The following PTAR1 variants were observed in gnomAD, a reference collection of about 807,000 sequenced individuals.
PTAR1 encodes the protein protein prenyltransferase alpha subunit repeat containing 1.
Under a neutral mutation model 45.5 loss-of-function variants are expected in PTAR1, and 17 were observed. The ratio of observed to expected loss-of-function variants is 0.37; its 90% CI spans 0.26 to 0.56. PTAR1 has a LOEUF of 0.56. Ranked by LOEUF, PTAR1 falls within the 20% of genes least tolerant of loss-of-function variation. The pLI, the probability that PTAR1 is intolerant of heterozygous loss-of-function variation, is 0.77. For missense variants in PTAR1, 391 were observed against 476.3 expected, an observed-to-expected ratio of 0.82 and a Z score of 1.67; for synonymous variants, 169 against 171.3, an observed-to-expected ratio of 0.99 and a Z score of 0.11.
At chr9:69,729,148 C>T (rs977195404) in intron 5 of PTAR1, among the ~76,000 whole-genome samples, 6 of 151,902 alleles carry the variant, frequency 3.9e-5, no homozygotes, top group African/African-American at 7.3e-5. Context: ...GGCGAAACCC[C>T]GTCTCTACTA....
intron 6 of PTAR1, among the ~76,000 whole-genome samples, chr9:69,720,587 G>A (rs1350361712): frequency 6.6e-6 from 1 of 152,166 alleles, no homozygotes; most frequent in African/African-American, 2.4e-5. Flanking sequence ...CAAGAGATTT[G>A]CAATGTAGAT....
At chr9:69,752,446 T>C (rs1826574433) in intron 1 of PTAR1, among the ~76,000 whole-genome samples, 1 of 152,050 alleles carries the variant, frequency 6.6e-6, no homozygotes, top group Admixed American at 6.6e-5. Context: ...ATCTTAGGGG[T>C]TGCAAGACAC....
At chr9:69,724,119 T>C (rs1825155036) in intron 5 of PTAR1, among the ~76,000 whole-genome samples, 1 of 152,204 alleles carries the variant, frequency 6.6e-6, no homozygotes, top group African/African-American at 2.4e-5. Flanking sequence ...AATATAAATG[T>C]CATGAGGGCA....
intron 4 of PTAR1, 104 bp downstream of exon 4, chr9:69,734,046 C>A: frequency 1.5e-6 from 1 of 687,688 alleles, no homozygotes. Context: ...CTTCAGAATT[C>A]ATGCTCTGGA....
intron 3 of PTAR1, among the ~76,000 whole-genome samples, chr9:69,735,810 T>C (rs1825761306): frequency 6.6e-6 from 1 of 152,018 alleles, no homozygotes; most frequent in Non-Finnish European, 1.5e-5. Flanking sequence ...CATATCTACT[T>C]AGACGGACTT....
rs1251913653 is a variant in PTAR1, at chr9:69,709,552, A to T, written c.*8790T>A. ...TTAGGAGATAAAAGGTTTACTTAGAAATTGCAAACATTTAGCAAAGGTAAG... is the reference window on the plus strand; with the variant it reads ...TTAGGAGATAAAAGGTTTACTTAGATATTGCAAACATTTAGCAAAGGTAAG... On this transcript the variant is annotated 3_prime_UTR_variant, in exon 8 of 8. Coordinates refer to ENST00000340434, the MANE Select transcript of PTAR1 (RefSeq NM_001099666.2). 6.6e-6 allele frequency: 1 copy of T among 152,190 alleles called. No individual in the cohort carries two copies. The highest frequency in any genetic ancestry group is 1.9e-4 in the East Asian group (1 of 5,200). The allele number at this position is 152,190 out of a possible 1,614,324, so 9.4% of individuals were successfully genotyped here.
At position 69,718,724 on chromosome 9, in the gene PTAR1, C is replaced by T. The variant is rs751021097; in HGVS notation, c.948-40G>A. 7.6e-6 allele frequency: 11 copies of T among 1,446,800 alleles called. No homozygotes were observed. The African/African-American group carries it at 1.1e-4, about 15-fold the overall frequency. 89.6% of individuals were successfully genotyped at this position (1,446,800 alleles called of 1,614,324 possible). Reference sequence around the variant, plus strand: ...GGAAGGAAGAGAATAAAGAAAATCACATTACAAAGTCAAGCTTTTCCAGAA... The same window carrying T: ...GGAAGGAAGAGAATAAAGAAAATCATATTACAAAGTCAAGCTTTTCCAGAA... On this transcript the variant is annotated intron_variant, in intron 6 of 7. Coordinates refer to ENST00000340434, the MANE Select transcript of PTAR1 (RefSeq NM_001099666.2).
intron 3 of PTAR1, 118 bp downstream of exon 3, chr9:69,741,674 A>G: frequency 1.5e-6 from 1 of 667,454 alleles, no homozygotes. Flanking sequence ...AAGAATAGGG[A>G]GAAGAAATAA....
chr9:69,717,031 C>A lies in PTAR1; in HGVS notation c.*1311G>T, dbSNP rs183308472. ...TACATGGCCCATTCCCCACCCTCAT[C>A]CCACCTACCTGAAAAACTCAGCCCT... On this transcript the variant is annotated 3_prime_UTR_variant, in exon 8 of 8. Coordinates refer to ENST00000340434, the MANE Select transcript of PTAR1 (RefSeq NM_001099666.2). 2.0e-5 allele frequency: 3 copies of A among 152,282 alleles called. No individual in the cohort carries two copies. In the East Asian group the frequency reaches 5.8e-4, roughly 29 times the overall value. 9.4% of individuals were successfully genotyped at this position (152,282 alleles called of 1,614,324 possible).
chr9:69,748,844 A>C (rs1411777288), intron 2 of PTAR1, among the ~76,000 whole-genome samples: 1 of 152,058 alleles, frequency 6.6e-6, no homozygotes, highest in Non-Finnish European at 1.5e-5. Context: ...TCAAACCCAA[A>C]ATTCACTTTC....
chr9:69,724,616 A>C (rs1338253304), intron 5 of PTAR1, among the ~76,000 whole-genome samples: 2 of 151,454 alleles, frequency 1.3e-5, no homozygotes, highest in Non-Finnish European at 2.9e-5. Context: ...TTCTTACACC[A>C]TTTTTCTTCC....
intron 2 of PTAR1, among the ~76,000 whole-genome samples, chr9:69,750,251 G>A (rs1162458969): frequency 6.6e-6 from 1 of 151,986 alleles, no homozygotes; most frequent in African/African-American, 2.4e-5. Flanking sequence ...TTTCAGCACA[G>A]GAACAGGATA....
At chr9:69,756,589 C>A (rs2134178513) in intron 1 of PTAR1, among the ~76,000 whole-genome samples, 1 of 152,232 alleles carries the variant, frequency 6.6e-6, no homozygotes, top group East Asian at 1.9e-4. Context: ...ACCTTCTCAG[C>A]CACACTTTGC....
Position 69,717,940 on chromosome 9 carries a change from C to T in PTAR1, c.*402G>A, listed in dbSNP as rs951249453. 2 of 156,520 alleles carry T rather than the reference C, an allele frequency of 1.3e-5. No homozygotes were observed. Among genetic ancestry groups the T allele is most frequent in the Non-Finnish European group, 2.8e-5 (2 of 71,024 alleles). The allele number at this position is 156,520 out of a possible 1,614,324, so 9.7% of individuals were successfully genotyped here. On this transcript the variant is annotated 3_prime_UTR_variant, in exon 8 of 8. Coordinates refer to ENST00000340434, the MANE Select transcript of PTAR1 (RefSeq NM_001099666.2). Reference sequence around the variant, plus strand: ...TGTGGCCCAGGTTGGTCTCAAAGTCCTGGGCTCAGGCAATCCTCCTGCCTA... The same window carrying T: ...TGTGGCCCAGGTTGGTCTCAAAGTCTTGGGCTCAGGCAATCCTCCTGCCTA...
In PTAR1 at chr9:69,759,780, G is replaced by A. The variant is rs373343962; in HGVS notation, c.86+73C>T. ...ACCCGCTGTCCGCCCGCCGCCCGAG[G>A]TCGGGTGGACGCTTGGCCCCGCCCC... On this transcript the variant is annotated intron_variant, in intron 1 of 7. Transcript: ENST00000340434. 14 of 1,402,958 alleles carry A rather than the reference G, an allele frequency of 1.0e-5. No homozygotes were observed. In the African/African-American group the frequency reaches 1.7e-4, roughly 17 times the overall value. 86.9% of individuals were successfully genotyped at this position (1,402,958 alleles called of 1,614,324 possible). A position where few individuals can be genotyped will look rare whatever the true frequency, so the allele number is the denominator to read the frequency against.
intron 2 of PTAR1, among the ~76,000 whole-genome samples, chr9:69,744,237 C>T (rs529585738): frequency 5.3e-5 from 8 of 152,210 alleles, no homozygotes; most frequent in South Asian, 4.2e-4. Context: ...ACGTCCTACC[C>T]GCCTACCTTC....
chr9:69,723,792 G>A, intron 5 of PTAR1, among the ~76,000 whole-genome samples, 162 bp from the exon 6 acceptor site: 1 of 152,088 alleles, frequency 6.6e-6, no homozygotes, highest in East Asian at 1.9e-4. Flanking sequence ...CTTAGTGGAA[G>A]CTTAATACAT....
At chr9:69,731,647 T>C (rs1024001073) in intron 5 of PTAR1, among the ~76,000 whole-genome samples, 1 of 152,168 alleles carries the variant, frequency 6.6e-6, no homozygotes, top group African/African-American at 2.4e-5. Flanking sequence ...TTAGTAGGCT[T>C]GGAGTGGAAC....
Position 69,718,114 on chromosome 9 carries a change from T to TTAA in PTAR1, c.*225_*227dup, listed in dbSNP as rs766062207. On this transcript the variant is annotated 3_prime_UTR_variant, in exon 8 of 8. Transcript: ENST00000340434. ...AAGGGTGAGAAGTTAAACAGAAAAT[T>TTAA]TAAGACTCGCTGTTCAGCAGGAAGG... 31 of 419,428 alleles carry TTAA rather than the reference T, an allele frequency of 7.4e-5. No homozygotes were observed. Among genetic ancestry groups the TTAA allele is most frequent in the Non-Finnish European group, 1.3e-4 (30 of 235,340 alleles). The allele number at this position is 419,428 out of a possible 1,614,324, so 26.0% of individuals were successfully genotyped here. A position where few individuals can be genotyped will look rare whatever the true frequency, so the allele number is the denominator to read the frequency against.
Sources: allele counts gnomAD v4.1 joint callset (sites outside exome capture counted in the v4.1 genomes callset), GRCh38; gene constraint gnomAD v4.1.1; transcripts MANE v1.5; gene names NCBI Gene and HGNC (gene_info 2026-07-23, HGNC 2026-07-21).